TNFAIP8: variants seen among roughly 807,000 people sequenced by gnomAD.
The protein encoded by TNFAIP8 is tumor necrosis factor alpha-induced protein 8.
A neutral mutation model predicts 13.3 loss-of-function variants in TNFAIP8; 7 were observed. The ratio of observed to expected loss-of-function variants is 0.52; its 90% CI spans 0.30 to 0.99. TNFAIP8 has a LOEUF of 0.99. TNFAIP8 is among the 50% of genes least tolerant of loss of function. TNFAIP8 has a pLI of 0.07. For missense variants in TNFAIP8, 258 were observed against 236.9 expected (o/e 1.09, Z -0.58); for synonymous variants, 94 against 87.6 (o/e 1.07, Z -0.41).
chr5:119,355,945 G>A (rs571459739), upstream of TNFAIP8: 94 of 1,440,192 alleles, frequency 6.5e-5, no homozygotes, highest in African/African-American at 1.3e-3. Context: ...ACCAGAACCC[G>A]CTCTCCCGCC....
chr5:119,368,332 T>G (rs573948165), intron 1 of TNFAIP8, among the ~76,000 whole-genome samples: 89 of 152,096 alleles, frequency 5.9e-4, no homozygotes, highest in African/African-American at 2.1e-3. Context: ...TTCATACTTT[T>G]TTTGCTATCT....
intron 1 of TNFAIP8, among the ~76,000 whole-genome samples, chr5:119,294,693 C>G (rs960264581): frequency 3.3e-5 from 5 of 152,180 alleles, no homozygotes; most frequent in African/African-American, 1.2e-4. Flanking sequence ...CACATCCTCT[C>G]CAGCACCTGT....
At chr5:119,315,504 T>C (rs778644861) in intron 1 of TNFAIP8, among the ~76,000 whole-genome samples, 1 of 152,246 alleles carries the variant, frequency 6.6e-6, no homozygotes, top group Non-Finnish European at 1.5e-5. Flanking sequence ...TGTGTTGGCA[T>C]AACCAGTAGA....
intron 1 of TNFAIP8, among the ~76,000 whole-genome samples, chr5:119,356,448 C>T (rs1239057628): frequency 6.6e-6 from 1 of 151,952 alleles, no homozygotes; most frequent in Non-Finnish European, 1.5e-5. Context: ...AAAAGGGCTG[C>T]CTGCCTGCAT....
chr5:119,341,734 T>C (rs1581620934), intron 1 of TNFAIP8, among the ~76,000 whole-genome samples: 1 of 152,326 alleles, frequency 6.6e-6, no homozygotes, highest in East Asian at 1.9e-4. Context: ...CTTTAGGGGC[T>C]GAATCTGTTT....
At chr5:119,348,630 C>T (rs192024143) in intron 1 of TNFAIP8, among the ~76,000 whole-genome samples, 221 of 152,202 alleles carry the variant, frequency 1.5e-3, no homozygotes, top group Non-Finnish European at 2.7e-3. Context: ...CTTGTAATCC[C>T]AGCACTTTGG....
intron 1 of TNFAIP8, among the ~76,000 whole-genome samples, chr5:119,377,004 TTA>T (rs1212945134): frequency 6.6e-6 from 1 of 152,212 alleles, no homozygotes; most frequent in Non-Finnish European, 1.5e-5. Context: ...CTTGACGTAT[TTA>T]TATATGTTTG....
At chr5:119,322,057 T>C (rs73235261) in intron 1 of TNFAIP8, among the ~76,000 whole-genome samples, 11,273 of 152,176 alleles carry the variant, frequency 0.074, 1,341 homozygotes, top group African/African-American at 0.25. Flanking sequence ...GCCCCTTCCC[T>C]ATAGATTGTT....
intron 1 of TNFAIP8, among the ~76,000 whole-genome samples, chr5:119,342,960 G>A (rs1750790012): frequency 6.6e-6 from 1 of 152,136 alleles, no homozygotes; most frequent in South Asian, 2.1e-4. Context: ...GTCCAGTGCC[G>A]GATGTTAGTT....
intron 1 of TNFAIP8, among the ~76,000 whole-genome samples, chr5:119,372,743 T>G (rs186961472): frequency 6.6e-6 from 1 of 152,320 alleles, no homozygotes; most frequent in African/African-American, 2.4e-5. Flanking sequence ...GAGGATCACC[T>G]GAGGTCAGGA....
chr5:119,386,585 C>T (rs1752682010), intron 1 of TNFAIP8, among the ~76,000 whole-genome samples: 1 of 152,096 alleles, frequency 6.6e-6, no homozygotes, highest in South Asian at 2.1e-4. Context: ...TCTGACATGT[C>T]TTCTTTACTA....
At chr5:119,347,807 G>T (rs1112247) in intron 1 of TNFAIP8, among the ~76,000 whole-genome samples, 94,620 of 152,024 alleles carry the variant, frequency 0.62, 29,880 homozygotes, top group African/African-American at 0.7. Flanking sequence ...TTGGCTACTC[G>T]CAACTGCAAG....
chr5:119,353,247 C>T (rs1319643371), upstream of TNFAIP8, among the ~76,000 whole-genome samples: 1 of 152,192 alleles, frequency 6.6e-6, no homozygotes, highest in Non-Finnish European at 1.5e-5. Context: ...ATGTACTGGA[C>T]CATTATTCAC....
rs114704136 is a variant in TNFAIP8, at chr5:119,287,937, C to G, written c.1+19030C>G. 4.1e-3 allele frequency among the ~76,000 whole-genome samples: 622 copies of G among 152,302 alleles called. 7 individuals carry two copies. The highest frequency in any genetic ancestry group is 0.015 in the African/African-American group (605 of 41,554). On this transcript the variant is annotated intron_variant, in intron 1 of 1. Coordinates refer to the TNFAIP8 transcript ENST00000274456. ...AGGAGACCAGGCAGGCATCTTATCT[C>G]AGTTGGTCTAGACAGTCACCACCTT...
At chr5:119,268,930 C>T (rs1057023842) in intron 1 of TNFAIP8, 1 of 697,886 alleles carries the variant, frequency 1.4e-6, no homozygotes, top group Admixed American at 2.0e-5. Context: ...TGGGCGCGCC[C>T]GTCCCGCGCA....
At chr5:119,336,502 A>G (rs73790807) in intron 1 of TNFAIP8, among the ~76,000 whole-genome samples, 15,945 of 152,174 alleles carry the variant, frequency 0.1, 1,048 homozygotes, top group African/African-American at 0.2. Context: ...CCTCATAACA[A>G]ACACAGAAAG....
rs1051030720 is a variant in TNFAIP8 at position 119,397,956 on chromosome 5, A to G, written c.*4575A>G. ...TAGCAAAGAACATCAGCCCCACGTTATAGGGAACAAGCGAGTCCCAAATCG... is the reference window on the plus strand; with the variant it reads ...TAGCAAAGAACATCAGCCCCACGTTGTAGGGAACAAGCGAGTCCCAAATCG... On this transcript the variant is annotated 3_prime_UTR_variant, in exon 2 of 2. Coordinates refer to ENST00000504771, the MANE Select transcript of TNFAIP8 (RefSeq NM_014350.4). 4 of 152,394 alleles carry G rather than the reference A, an allele frequency of 2.6e-5. No homozygotes were observed. The highest frequency in any genetic ancestry group is 7.2e-5 in the African/African-American group (3 of 41,594). 9.4% of individuals were successfully genotyped at this position (152,394 alleles called of 1,614,324 possible). A position where few individuals can be genotyped will look rare whatever the true frequency, so the allele number is the denominator to read the frequency against.
intron 1 of TNFAIP8, among the ~76,000 whole-genome samples, chr5:119,296,149 A>G (rs1272755761): frequency 6.7e-6 from 1 of 150,262 alleles, no homozygotes; most frequent in East Asian, 1.9e-4. Context: ...CCTGGCCAGA[A>G]CTTCCAACAC....
At position 119,394,799 on chromosome 5, in the gene TNFAIP8, G is replaced by A. The variant is rs941309586; in HGVS notation, c.*1418G>A. The A allele has an allele frequency of 6.6e-6, 1 of 151,940 alleles. No individual in the cohort carries two copies. Among genetic ancestry groups the A allele is most frequent in the African/African-American group, 2.4e-5 (1 of 41,312 alleles). The allele number at this position is 151,940 out of a possible 1,614,324, so 9.4% of individuals were successfully genotyped here. A position where few individuals can be genotyped will look rare whatever the true frequency, so the allele number is the denominator to read the frequency against. ...TTTTTGTATTTTTAGTCGAGATGGGGTTTCACCATGTTGCCCAGGCTGGTC... is the reference window on the plus strand; with the variant it reads ...TTTTTGTATTTTTAGTCGAGATGGGATTTCACCATGTTGCCCAGGCTGGTC... On this transcript the variant is annotated 3_prime_UTR_variant, in exon 2 of 2. Coordinates refer to ENST00000504771, the MANE Select transcript of TNFAIP8 (RefSeq NM_014350.4).
Sources: gnomAD v4.1 joint callset for allele counts (sites outside exome capture counted in the v4.1 genomes callset) on GRCh38, gnomAD v4.1.1 for gene constraint, MANE v1.5 for transcripts, NCBI Gene and HGNC (gene_info 2026-07-23, HGNC 2026-07-21) for gene names.